Variants in LRP1B observed in about 807,000 individuals in gnomAD.
The protein encoded by LRP1B is LDL receptor related protein 1B.
In LRP1B, 217 loss-of-function variants were observed where a neutral mutation model predicts 556.6. That is an observed-to-expected ratio of 0.39 (90% CI 0.35 to 0.44). The LOEUF is 0.44. Ranked by LOEUF, LRP1B falls within the 20% of genes least tolerant of loss-of-function variation. The pLI is 1.00. For synonymous variants in LRP1B, 2,047 were observed against 1,865.8 expected (o/e 1.10, Z -2.50); for missense variants, 5,053 against 5,620.8 (o/e 0.90, Z 3.23).
intron 7 of LRP1B, among the ~76,000 whole-genome samples, chr2:141,088,285 C>T (rs978909938): frequency 5.9e-5 from 9 of 152,254 alleles, no homozygotes; most frequent in African/African-American, 2.2e-4. Flanking sequence ...TAAAGAAGAG[C>T]TTTCCCTTGT....
intron 1 of LRP1B, among the ~76,000 whole-genome samples, chr2:141,999,013 G>T (rs868478944): frequency 1.3e-5 from 2 of 152,050 alleles, no homozygotes; most frequent in Non-Finnish European, 2.9e-5. Context: ...CAGCTTTGTC[G>T]GCCATTTCAA....
chr2:140,911,738 T>A (rs1694425403), intron 21 of LRP1B, among the ~76,000 whole-genome samples: 1 of 151,778 alleles, frequency 6.6e-6, no homozygotes, highest in South Asian at 2.1e-4. Flanking sequence ...ATATACAAAT[T>A]CCCATTTTTA....
intron 42 of LRP1B, among the ~76,000 whole-genome samples, chr2:140,600,196 T>A (rs1294936086): frequency 6.6e-6 from 1 of 152,146 alleles, no homozygotes; most frequent in Non-Finnish European, 1.5e-5. Flanking sequence ...AAAACTGACT[T>A]ACAAATTCCT....
chr2:140,740,598 T>A (rs1688103517), intron 35 of LRP1B, among the ~76,000 whole-genome samples: 1 of 151,970 alleles, frequency 6.6e-6, no homozygotes, highest in Non-Finnish European at 1.5e-5. Flanking sequence ...ATCTCACAAA[T>A]CACCACTAAA....
At chr2:141,871,016 T>C (rs1558930914) in intron 1 of LRP1B, among the ~76,000 whole-genome samples, 1 of 151,958 alleles carries the variant, frequency 6.6e-6, no homozygotes, top group Non-Finnish European at 1.5e-5. Flanking sequence ...AAACCCATCA[T>C]TGTGTATAGT....
rs1692247761 is a variant in LRP1B, at chr2:141,708,846, C to G, written c.205+101433G>C. 2.0e-5 allele frequency among the ~76,000 whole-genome samples: 3 copies of G among 152,178 alleles called. No homozygotes were observed. The South Asian group carries it at 6.2e-4, about 32-fold the overall frequency. ...AAAGAAAAGGCTACATGTGAGGCCA[C>G]AGCAAGCAGCAGCCATCTGCAAGCC... On this transcript the variant is annotated intron_variant, in intron 2 of 90. Coordinates refer to ENST00000389484, the MANE Select transcript of LRP1B (RefSeq NM_018557.3).
At chr2:141,404,397 C>G (rs1690552737) in intron 3 of LRP1B, among the ~76,000 whole-genome samples, 1 of 151,966 alleles carries the variant, frequency 6.6e-6, no homozygotes, top group South Asian at 2.1e-4. Flanking sequence ...GAATAACAAT[C>G]TTAAAAAAGA....
At chr2:141,316,599 A>G (rs1403335440) in intron 3 of LRP1B, among the ~76,000 whole-genome samples, 1 of 152,222 alleles carries the variant, frequency 6.6e-6, no homozygotes, top group Non-Finnish European at 1.5e-5. Context: ...ATCTCTTACT[A>G]GTCACTCAGT....
chr2:141,380,273 G>A (rs1030313707), intron 3 of LRP1B, among the ~76,000 whole-genome samples: 4 of 151,758 alleles, frequency 2.6e-5, no homozygotes, highest in Admixed American at 6.6e-5. Context: ...AAGGGGTTTG[G>A]CTACACATCT....
intron 18 of LRP1B, among the ~76,000 whole-genome samples, chr2:140,964,844 C>A (rs906578519): frequency 2.6e-5 from 4 of 152,158 alleles, no homozygotes; most frequent in African/African-American, 9.7e-5. Context: ...CCACCCACAA[C>A]CTGGGAGGCT....
At chr2:140,277,146 T>G (rs1161821080) in intron 84 of LRP1B, among the ~76,000 whole-genome samples, 1 of 151,858 alleles carries the variant, frequency 6.6e-6, no homozygotes, top group African/African-American at 2.4e-5. Context: ...TGGATTAATA[T>G]TCTGGAGGTT....
Position 141,038,487 on chromosome 2 carries a change from A to G in LRP1B, c.1789+10499T>C, listed in dbSNP as rs115585262. On this transcript the variant is annotated intron_variant, in intron 11 of 90. Coordinates refer to ENST00000389484, the MANE Select transcript of LRP1B (RefSeq NM_018557.3). ...TTTTAAAGGTCAGTGGGAGGTAAAA[A>G]TAAAGTTATGCCTTAGATATGTCAG... 4.8e-3 allele frequency among the ~76,000 whole-genome samples: 730 copies of G among 152,230 alleles called. 6 individuals carry two copies. Among genetic ancestry groups the G allele is most frequent in the Non-Finnish European group, 6.5e-3 (439 of 67,996 alleles).
chr2:141,305,244 C>T (rs1686542372), intron 3 of LRP1B, among the ~76,000 whole-genome samples: 1 of 152,072 alleles, frequency 6.6e-6, no homozygotes, highest in Non-Finnish European at 1.5e-5. Context: ...TTTCTTTTAT[C>T]CTCCCCAATT....
At position 141,735,106 on chromosome 2, in the gene LRP1B, T is replaced by G. The variant is rs1019521313; in HGVS notation, c.205+75173A>C. ...CCTTGGAGAAGCTTTAAAAATCATT[T>G]TCTCCCCTATGCTTGGAGGGTTTTG... On this transcript the variant is annotated intron_variant, in intron 2 of 90. Coordinates refer to ENST00000389484, the MANE Select transcript of LRP1B (RefSeq NM_018557.3). 1.1e-4 allele frequency among the ~76,000 whole-genome samples: 16 copies of G among 151,898 alleles called. 1 individual carries two copies. The highest frequency in any genetic ancestry group is 8.6e-4 in the Admixed American group (13 of 15,194).
At chr2:140,868,315 TCA>T in intron 25 of LRP1B, 52 bp from the exon 26 acceptor site, 1 of 1,473,972 alleles carries the variant, frequency 6.8e-7, no homozygotes, top group Non-Finnish European at 9.0e-7. Context: ...GTCATTCATT[TCA>T]CAGATATTTA....
chr2:140,865,621 T>C (rs1692925106), intron 27 of LRP1B, among the ~76,000 whole-genome samples: 1 of 152,060 alleles, frequency 6.6e-6, no homozygotes, highest in African/African-American at 2.4e-5. Flanking sequence ...GGTAGAATGT[T>C]CTCTGATCAC....
At chr2:140,389,990 T>A (rs1198714049) in intron 66 of LRP1B, among the ~76,000 whole-genome samples, 1 of 151,714 alleles carries the variant, frequency 6.6e-6, no homozygotes, top group Non-Finnish European at 1.5e-5. Context: ...ATTAGCCAGG[T>A]GTGGTGGCAT....
rs1688451135 is a variant in LRP1B at position 140,748,778 on chromosome 2, G to GA, written c.5758+20434_5758+20435insT. 1.1e-4 allele frequency among the ~76,000 whole-genome samples: 7 copies of GA among 61,330 alleles called. 1 individual carries two copies. Among genetic ancestry groups the GA allele is most frequent in the Admixed American group, 2.1e-4 (1 of 4,860 alleles). 40.2% of individuals were successfully genotyped at this position (61,330 alleles called of 152,430 possible). On this transcript the variant is annotated intron_variant, in intron 35 of 90. Coordinates refer to ENST00000389484, the MANE Select transcript of LRP1B (RefSeq NM_018557.3). ...TATATTATATACATGTATATAATAT[G>GA]TATATAATATATATTATATACATAT...
At chr2:141,324,364 T>G (rs1271312490) in intron 3 of LRP1B, among the ~76,000 whole-genome samples, 2 of 152,154 alleles carry the variant, frequency 1.3e-5, no homozygotes, top group Non-Finnish European at 2.9e-5. Flanking sequence ...ATGCGAACAC[T>G]GGTTTTCTTC....
Sources: gnomAD v4.1 joint callset for allele counts (sites outside exome capture counted in the v4.1 genomes callset) on GRCh38, gnomAD v4.1.1 for gene constraint, MANE v1.5 for transcripts, NCBI Gene and HGNC (gene_info 2026-07-23, HGNC 2026-07-21) for gene names.